Variants in RBFOX1 observed in about 807,000 individuals in gnomAD.
RBFOX1 encodes the protein RNA binding protein fox-1 homolog 1.
A neutral mutation model predicts 57.7 loss-of-function variants in RBFOX1; 8 were observed. The ratio of observed to expected loss-of-function variants is 0.14; its 90% CI spans 0.08 to 0.25. The LOEUF is 0.25. Ranked by LOEUF, RBFOX1 falls within the 10% of genes least tolerant of loss-of-function variation. The probability of loss-of-function intolerance (pLI) is 1.00; values close to 1 mark genes in which losing one functional copy is unlikely to be tolerated. For synonymous variants in RBFOX1, 326 were observed against 222.4 expected (o/e 1.47, Z -4.15); for missense variants, 611 against 548.5 (o/e 1.11, Z -1.14).
In RBFOX1 at chr16:5,270,323, A is replaced by G. The variant is rs2062973372; in HGVS notation, c.219+30218A>G. 4.1e-6 allele frequency: 3 copies of G among 725,422 alleles called. No individual in the cohort carries two copies. The African/African-American group carries it at 5.2e-5, about 13-fold the overall frequency. The allele number at this position is 725,422 out of a possible 1,614,324, so 44.9% of individuals were successfully genotyped here. On this transcript the variant is annotated intron_variant, in intron 1 of 2. Transcript: ENST00000585867. ...GAAATATTGGAAAGACTTGGTCACC[A>G]GGACCCGAGGAACCCAAATTGCATC...
intron 3 of RBFOX1, among the ~76,000 whole-genome samples, chr16:6,957,678 C>T (rs2082157260): frequency 6.6e-6 from 1 of 152,110 alleles, no homozygotes; most frequent in Non-Finnish European, 1.5e-5. Flanking sequence ...CTTAGAATGC[C>T]TTAACCTCAG....
rs546852304 is a variant in RBFOX1 at position 7,523,138 on chromosome 16, G to C, written c.270+4749G>C. On this transcript the variant is annotated intron_variant, in intron 5 of 15. Transcript: ENST00000550418. ...CTTTTACTCAGTATCATTATTTTTA[G>C]ATTCATCCATATTGTTGCATGTGGT... Among the ~76,000 whole-genome samples the C allele has an allele frequency of 1.3e-3, 199 of 152,290 alleles. 1 individual carries two copies. The highest frequency in any genetic ancestry group is 4.5e-3 in the African/African-American group (187 of 41,560).
intron 2 of RBFOX1, among the ~76,000 whole-genome samples, chr16:5,595,421 G>T (rs13338958): frequency 2.7e-4 from 41 of 152,216 alleles, no homozygotes; most frequent in African/African-American, 9.4e-4. Context: ...ATTTCCAGGG[G>T]AGACTACTAG....
At chr16:6,735,221 G>T (rs879706916) in intron 3 of RBFOX1, among the ~76,000 whole-genome samples, 11 of 152,128 alleles carry the variant, frequency 7.2e-5, no homozygotes, top group Admixed American at 7.2e-4. Context: ...ATTGCTAGAT[G>T]CACATGATTT....
At chr16:7,513,290 TG>T (rs201299763) in intron 4 of RBFOX1, among the ~76,000 whole-genome samples, 104,927 of 148,302 alleles carry the variant, frequency 0.71, 39,883 homozygotes, top group Middle Eastern at 0.87. Context: ...AAATAATGAA[TG>T]AATGAATGAA....
At chr16:7,037,261 T>G (rs2044774248) in intron 3 of RBFOX1, among the ~76,000 whole-genome samples, 1 of 125,136 alleles carries the variant, frequency 8.0e-6, no homozygotes, top group South Asian at 2.6e-4. Flanking sequence ...TTTTTTGAGA[T>G]GGAGTTTTGC....
chr16:6,040,942 G>T (rs2095429820), intron 1 of RBFOX1, among the ~76,000 whole-genome samples: 1 of 152,038 alleles, frequency 6.6e-6, no homozygotes. Context: ...ACCACAGTTG[G>T]CATATCCATT....
intron 2 of RBFOX1, among the ~76,000 whole-genome samples, chr16:6,468,709 C>T (rs542919116): frequency 5.9e-5 from 9 of 152,032 alleles, no homozygotes; most frequent in South Asian, 4.2e-4. Flanking sequence ...TTAAATGTGT[C>T]GTGATTTTTG....
At chr16:7,241,039 C>T (rs537417746) in intron 4 of RBFOX1, among the ~76,000 whole-genome samples, 24 of 152,250 alleles carry the variant, frequency 1.6e-4, no homozygotes, top group African/African-American at 5.8e-4. Flanking sequence ...GAAAATTAAG[C>T]CACTGGATTT....
intron 15 of RBFOX1, 67 bp downstream of exon 15, chr16:7,709,198 C>A: frequency 6.9e-7 from 1 of 1,445,092 alleles, no homozygotes; most frequent in Non-Finnish European, 9.6e-7. Flanking sequence ...GCTGGGACCT[C>A]AGTACGGGTT....
At chr16:7,121,150 C>G (rs1036508475) in intron 4 of RBFOX1, among the ~76,000 whole-genome samples, 2 of 151,990 alleles carry the variant, frequency 1.3e-5, no homozygotes, top group African/African-American at 4.8e-5. Flanking sequence ...AACCCCACAG[C>G]TAATATCATA....
At position 6,120,996 on chromosome 16, in the gene RBFOX1, G is replaced by C. The variant is rs74004782; in HGVS notation, c.-127+101004G>C. ...ATTATTTCCTAGAGTTTTCACACTT[G>C]ATCTTACATGAATGCATTTTGTAAT... is the stretch of plus-strand genomic sequence containing the variant. On this transcript the variant is annotated intron_variant, in intron 1 of 15. Transcript: ENST00000550418. Among the ~76,000 whole-genome samples the C allele has an allele frequency of 9.1e-3, 1,388 of 152,270 alleles. 29 individuals carry two copies. Among genetic ancestry groups the C allele is most frequent in the African/African-American group, 0.031 (1,284 of 41,554 alleles).
At chr16:7,364,024 G>C (rs1215260319) in intron 4 of RBFOX1, among the ~76,000 whole-genome samples, 1 of 152,158 alleles carries the variant, frequency 6.6e-6, no homozygotes, top group Non-Finnish European at 1.5e-5. Context: ...ATTTGTAGGT[G>C]CGATGGAAAA....
rs182965459 is a variant in RBFOX1 at position 5,287,648 on chromosome 16, G to T, written c.219+47543G>T. On this transcript the variant is annotated intron_variant, in intron 1 of 2. Coordinates refer to the RBFOX1 transcript ENST00000585867. ...TCTGGGAAGCTCTACTTTGCTCTTGGTGTCTCTTATCTTCCGCTGGAAGCT... is the reference window on the plus strand; with the variant it reads ...TCTGGGAAGCTCTACTTTGCTCTTGTTGTCTCTTATCTTCCGCTGGAAGCT... Among the ~76,000 whole-genome samples the T allele has an allele frequency of 2.5e-4, 38 of 152,274 alleles. No individual in the cohort carries two copies. The East Asian group carries it at 2.5e-3, about 10-fold the overall frequency.
Position 5,256,352 on chromosome 16 carries a change from G to C in RBFOX1, c.219+16247G>C, listed in dbSNP as rs2062590702. Among the ~76,000 whole-genome samples, 5 of 152,100 alleles carry C rather than the reference G, an allele frequency of 3.3e-5. No individual in the cohort carries two copies. The South Asian group carries it at 1.0e-3, about 32-fold the overall frequency. ...TCTGGCTGGAAGTCCACCAGATCTG[G>C]GAATGTCAAGTTCGGGGAGGGGGCT... On this transcript the variant is annotated intron_variant, in intron 1 of 2. Coordinates refer to the RBFOX1 transcript ENST00000585867.
intron 2 of RBFOX1, among the ~76,000 whole-genome samples, chr16:5,469,231 T>G (rs2069052458): frequency 6.6e-6 from 1 of 152,138 alleles, no homozygotes; most frequent in African/African-American, 2.4e-5. Flanking sequence ...AGAGTCCTCT[T>G]TCTTTGTGGG....
At chr16:6,687,097 A>T (rs2059547705) in intron 3 of RBFOX1, among the ~76,000 whole-genome samples, 1 of 152,238 alleles carries the variant, frequency 6.6e-6, no homozygotes, top group Non-Finnish European at 1.5e-5. Context: ...TCACACTTAC[A>T]GATGAAGGGC....
intron 2 of RBFOX1, among the ~76,000 whole-genome samples, chr16:6,589,191 T>A (rs2097674826): frequency 1.3e-5 from 2 of 152,322 alleles, no homozygotes; most frequent in Admixed American, 6.5e-5. Context: ...AAACTATTTT[T>A]AAACTATTTG....
intron 3 of RBFOX1, among the ~76,000 whole-genome samples, chr16:6,756,189 C>G (rs1411503004): frequency 6.6e-6 from 1 of 152,092 alleles, no homozygotes; most frequent in Non-Finnish European, 1.5e-5. Flanking sequence ...TTACCTATAA[C>G]TGGATTTATT....
Sources: allele counts gnomAD v4.1 joint callset (sites outside exome capture counted in the v4.1 genomes callset), GRCh38; gene constraint gnomAD v4.1.1; transcripts MANE v1.5; gene names NCBI Gene and HGNC (gene_info 2026-07-23, HGNC 2026-07-21).